Variants in KAT14 observed in about 807,000 individuals in gnomAD.
KAT14 encodes the protein cysteine-rich protein 2-binding protein.
Under a neutral mutation model 78.4 loss-of-function variants are expected in KAT14, and 66 were observed. The ratio of observed to expected loss-of-function variants is 0.84; its 90% confidence interval spans 0.69 to 1.03. The LOEUF is 1.03. KAT14 is among the 50% of genes least tolerant of loss of function. The pLI, the probability that KAT14 is intolerant of heterozygous loss-of-function variation, is 0.00. For synonymous variants in KAT14, 344 were observed against 359.4 expected (o/e 0.96, Z 0.48); for missense variants, 870 against 972.5 (o/e 0.89, Z 1.40).
intron 3 of KAT14, 92 bp from the exon 4 acceptor site, chr20:18,150,729 T>G: frequency 6.4e-7 from 1 of 1,573,038 alleles, no homozygotes; most frequent in South Asian, 1.2e-5. Context: ...CCATTCCTAC[T>G]CAGAATATAA....
intron 3 of KAT14, among the ~76,000 whole-genome samples, chr20:18,145,936 TTTTTTTA>T (rs1388217090): frequency 6.6e-6 from 1 of 152,188 alleles, no homozygotes; most frequent in East Asian, 1.9e-4. Context: ...AATAAAACTA[TTTTTTTA>T]AAGTGGAAAG....
intron 4 of KAT14, among the ~76,000 whole-genome samples, chr20:18,157,721 C>T (rs2038274973): frequency 6.6e-6 from 1 of 152,172 alleles, no homozygotes. Flanking sequence ...CTTTTTGGGA[C>T]TGGCTTATTT....
At chr20:18,161,041 G>A (rs2038400709) in intron 5 of KAT14, among the ~76,000 whole-genome samples, 1 of 152,006 alleles carries the variant, frequency 6.6e-6, no homozygotes, top group African/African-American at 2.4e-5. Context: ...GGGCGTGATG[G>A]CGCATGCCTG....
chr20:18,183,075 CA>C, intron 8 of KAT14, 47 bp from the exon 9 acceptor site: 1 of 1,560,840 alleles, frequency 6.4e-7, no homozygotes, highest in Non-Finnish European at 8.7e-7. Flanking sequence ...GGAATAATAC[CA>C]GGTATTTTTC....
intron 3 of KAT14, among the ~76,000 whole-genome samples, chr20:18,147,494 T>C (rs969173460): frequency 6.6e-6 from 1 of 152,234 alleles, no homozygotes; most frequent in South Asian, 2.1e-4. Context: ...TCTGTAGTGG[T>C]TCTTTTTAAA....
chr20:18,160,856 C>T, intron 5 of KAT14, among the ~76,000 whole-genome samples: 1 of 152,064 alleles, frequency 6.6e-6, no homozygotes, highest in East Asian at 1.9e-4. Flanking sequence ...AAATTTTAAT[C>T]AGGATTGCCA....
Position 18,142,327 on chromosome 20 carries a change from G to T in KAT14, c.-334G>T. 6.5e-7 allele frequency: 1 copy of T among 1,536,764 alleles called. No individual in the cohort carries two copies. The highest frequency in any genetic ancestry group is 2.0e-5 in the Admixed American group (1 of 50,932). On this transcript the variant is annotated 5_prime_UTR_variant, in exon 2 of 11. It removes an upstream start codon present in the reference 5' UTR. Coordinates refer to ENST00000688188, the MANE Select transcript of KAT14 (RefSeq NM_001392073.1). ...AACTTGAAGCAGAAAGAGAGAAGAT[G>T]TTATTGGCAAAAGGATCTCAAAAAT...
intron 7 of KAT14, among the ~76,000 whole-genome samples, chr20:18,173,754 A>G (rs1427237509): frequency 6.6e-6 from 1 of 151,952 alleles, no homozygotes; most frequent in Non-Finnish European, 1.5e-5. Context: ...GAGATGCTTC[A>G]TAATTACTCA....
intron 7 of KAT14, among the ~76,000 whole-genome samples, chr20:18,178,885 G>A (rs540323766): frequency 6.6e-6 from 1 of 152,134 alleles, no homozygotes; most frequent in African/African-American, 2.4e-5. Flanking sequence ...CTGAGACAAG[G>A]CAAGTCCCTT....
At chr20:18,141,841 C>T (rs1330811607) in intron 1 of KAT14, among the ~76,000 whole-genome samples, 1 of 152,116 alleles carries the variant, frequency 6.6e-6, no homozygotes, top group African/African-American at 2.4e-5. Flanking sequence ...CTGCGGAGTG[C>T]AGCCACTGCA....
At chr20:18,166,687 G>A (rs1481440632) in intron 7 of KAT14, among the ~76,000 whole-genome samples, 1 of 152,208 alleles carries the variant, frequency 6.6e-6, no homozygotes, top group African/African-American at 2.4e-5. Flanking sequence ...CCTCTCTGGA[G>A]ATTCTTTTGC....
intron 1 of KAT14, among the ~76,000 whole-genome samples, chr20:18,141,858 C>T (rs1002608231): frequency 1.3e-5 from 2 of 151,970 alleles, no homozygotes; most frequent in African/African-American, 4.8e-5. Context: ...TGCACTCCAG[C>T]CTGGGCGACA....
At chr20:18,146,182 T>C (rs2037818662) in intron 3 of KAT14, among the ~76,000 whole-genome samples, 1 of 152,250 alleles carries the variant, frequency 6.6e-6, no homozygotes, top group South Asian at 2.1e-4. Flanking sequence ...TAGTTTTGTT[T>C]CTATGTCAAT....
Position 18,159,028 on chromosome 20 carries a change from C to A in KAT14, c.501-56C>A, listed in dbSNP as rs115765172. ...AGGAGTCACAGTATACACAGACTGT[C>A]TTTTCTGTATAATGAGCAAAAGTGC... is the stretch of plus-strand genomic sequence containing the variant. On this transcript the variant is annotated intron_variant, in intron 4 of 10. Coordinates refer to ENST00000688188, the MANE Select transcript of KAT14 (RefSeq NM_001392073.1). The A allele has an allele frequency of 9.8e-5, 152 of 1,547,642 alleles. 1 individual carries two copies. The African/African-American group carries it at 1.9e-3, about 20-fold the overall frequency.
At chr20:18,150,121 T>C (rs552649385) in intron 3 of KAT14, among the ~76,000 whole-genome samples, 1 of 152,288 alleles carries the variant, frequency 6.6e-6, no homozygotes, top group African/African-American at 2.4e-5. Context: ...TAAGAGTAGA[T>C]TAGATTAGGA....
chr20:18,174,366 G>C, intron 7 of KAT14, among the ~76,000 whole-genome samples: 1 of 152,004 alleles, frequency 6.6e-6, no homozygotes. Flanking sequence ...GTAACTCTGT[G>C]TTTAACTTTT....
chr20:18,141,041 TTTTTTA>T (rs1158958310), intron 1 of KAT14, among the ~76,000 whole-genome samples: 903 of 43,370 alleles, frequency 0.021, 11 homozygotes, highest in African/African-American at 0.045. Context: ...TTTTTTTTTT[TTTTTTA>T]TTTTTATTTT....
At chr20:18,167,948 T>G (rs1344128137) in intron 7 of KAT14, among the ~76,000 whole-genome samples, 2 of 152,214 alleles carry the variant, frequency 1.3e-5, no homozygotes, top group African/African-American at 4.8e-5. Flanking sequence ...ATTGCTTATT[T>G]AAATGACATA....
intron 3 of KAT14, among the ~76,000 whole-genome samples, chr20:18,149,336 G>A (rs2146368761): frequency 6.6e-6 from 1 of 152,306 alleles, no homozygotes; most frequent in East Asian, 1.9e-4. Flanking sequence ...TTTACAAAAT[G>A]AAACTCCGTG....
Sources: gnomAD v4.1 joint callset for allele counts (sites outside exome capture counted in the v4.1 genomes callset) on GRCh38, gnomAD v4.1.1 for gene constraint, MANE v1.5 for transcripts, NCBI Gene and HGNC (gene_info 2026-07-23, HGNC 2026-07-21) for gene names.